The following EYS variants were observed in gnomAD, a reference collection of about 807,000 sequenced individuals.
The protein encoded by EYS is EGF-like photoreceptor maintenance factor, also known as protein eyes shut homolog.
In EYS, 250 loss-of-function variants were observed where a neutral mutation model predicts 282.1. The observed-to-expected ratio is 0.89, with a 90% CI of 0.80 to 0.98. EYS has a LOEUF of 0.98. EYS is among the 50% of genes least tolerant of loss of function. The pLI is 0.00. For synonymous variants in EYS, 1,355 were observed against 1,282.9 expected (o/e 1.06, Z -1.20); for missense variants, 4,016 against 3,709.0 (o/e 1.08, Z -2.15).
chr6:63,876,278 G>C (rs137917686), intron 35 of EYS, among the ~76,000 whole-genome samples: 11 of 152,146 alleles, frequency 7.2e-5, no homozygotes, highest in Non-Finnish European at 1.0e-4. Flanking sequence ...GTAGTTGAGC[G>C]GTTTTGACTG....
intron 2 of EYS, among the ~76,000 whole-genome samples, chr6:65,525,037 G>C (rs1363460479): frequency 6.7e-6 from 1 of 149,586 alleles, no homozygotes; most frequent in Non-Finnish European, 1.5e-5. Flanking sequence ...TGCCACCATG[G>C]CCACTTTTTC....
chr6:64,665,174 TTTATAAAA>T (rs1450850213), intron 22 of EYS, among the ~76,000 whole-genome samples: 1 of 152,212 alleles, frequency 6.6e-6, no homozygotes, highest in African/African-American at 2.4e-5. Context: ...TGTTCTGGCA[TTTATAAAA>T]TACTGCATGT....
At chr6:64,474,327 C>T (rs923735087) in intron 26 of EYS, among the ~76,000 whole-genome samples, 53 of 152,160 alleles carry the variant, frequency 3.5e-4, no homozygotes, top group African/African-American at 1.3e-3. Context: ...TGAAATTACA[C>T]ATATGTGATA....
At chr6:65,504,683 A>T (rs994452837) in intron 2 of EYS, among the ~76,000 whole-genome samples, 6 of 151,536 alleles carry the variant, frequency 4.0e-5, no homozygotes, top group African/African-American at 1.4e-4. Flanking sequence ...GAGTATCGAT[A>T]TGGTAGATTA....
In EYS at chr6:63,762,908, C is replaced by T. The variant is rs1210549978; in HGVS notation, c.7899-275G>A. Among the ~76,000 whole-genome samples, 4 of 152,078 alleles carry T rather than the reference C, an allele frequency of 2.6e-5. No individual in the cohort carries two copies. The East Asian group carries it at 7.7e-4, about 29-fold the overall frequency. On this transcript the variant is annotated intron_variant, in intron 40 of 42. Transcript: ENST00000503581. Reference sequence around the variant, plus strand: ...TCAGACAAAATTGCATTGTAAGTCTCTCTCCCAACTCCCACACCACCACCT... The same window carrying T: ...TCAGACAAAATTGCATTGTAAGTCTTTCTCCCAACTCCCACACCACCACCT...
chr6:64,764,548 C>A (rs1165866794), intron 22 of EYS, among the ~76,000 whole-genome samples: 2 of 152,278 alleles, frequency 1.3e-5, no homozygotes, highest in South Asian at 2.1e-4. Context: ...GGAGGGGCTG[C>A]CATGAATGTC....
intron 26 of EYS, among the ~76,000 whole-genome samples, chr6:64,585,061 C>T (rs562133806): frequency 1.3e-5 from 2 of 152,150 alleles, no homozygotes; most frequent in South Asian, 2.1e-4. Flanking sequence ...AGCAAAGACA[C>T]GGAACCAACC....
intron 33 of EYS, among the ~76,000 whole-genome samples, chr6:64,031,109 T>G (rs1201371465): frequency 6.6e-6 from 1 of 152,196 alleles, no homozygotes; most frequent in Non-Finnish European, 1.5e-5. Flanking sequence ...CCCTTTCTGG[T>G]CTGGCCAAGG....
At chr6:64,691,243 G>C (rs1197064792) in intron 22 of EYS, among the ~76,000 whole-genome samples, 1 of 152,038 alleles carries the variant, frequency 6.6e-6, no homozygotes, top group Non-Finnish European at 1.5e-5. Flanking sequence ...GTCACGAACA[G>C]GGCATGGATG....
At chr6:64,283,272 T>G (rs1345638352) in intron 30 of EYS, among the ~76,000 whole-genome samples, 2 of 152,182 alleles carry the variant, frequency 1.3e-5, no homozygotes, top group East Asian at 3.9e-4. Flanking sequence ...CTAACTAACA[T>G]AGTTAATTAG....
chr6:64,510,019 C>T (rs1409382512), intron 26 of EYS, among the ~76,000 whole-genome samples: 2 of 151,996 alleles, frequency 1.3e-5, no homozygotes, highest in Non-Finnish European at 2.9e-5. Context: ...AATGCATATT[C>T]AAATCTACTC....
intron 28 of EYS, among the ~76,000 whole-genome samples, chr6:64,433,219 C>T (rs1436412007): frequency 6.6e-6 from 1 of 151,944 alleles, no homozygotes; most frequent in African/African-American, 2.4e-5. Flanking sequence ...AAGGCAAGAC[C>T]TTTCTCCTAT....
intron 5 of EYS, among the ~76,000 whole-genome samples, chr6:65,433,299 A>G (rs1257472278): frequency 1.3e-5 from 2 of 152,182 alleles, no homozygotes; most frequent in East Asian, 1.9e-4. Flanking sequence ...TATGACAATC[A>G]CTAGCTCTTC....
intron 42 of EYS, among the ~76,000 whole-genome samples, chr6:63,722,060 T>TA (rs574937118): frequency 5.7e-4 from 87 of 152,274 alleles, no homozygotes; most frequent in African/African-American, 1.9e-3. Flanking sequence ...GGTAGTAAGT[T>TA]AAAGTGAGGT....
intron 33 of EYS, among the ~76,000 whole-genome samples, chr6:64,062,006 A>G (rs1232386428): frequency 6.6e-6 from 1 of 150,886 alleles, no homozygotes; most frequent in African/African-American, 2.4e-5. Context: ...TATTTTTTTT[A>G]TTGTCAAGAA....
chr6:64,735,336 G>C (rs1453974431), intron 22 of EYS, among the ~76,000 whole-genome samples: 1 of 152,096 alleles, frequency 6.6e-6, no homozygotes, highest in Non-Finnish European at 1.5e-5. Flanking sequence ...GCCTGCCTTG[G>C]CCTCCAAGAG....
At chr6:64,974,572 A>G (rs969130760) in intron 14 of EYS, among the ~76,000 whole-genome samples, 2 of 151,816 alleles carry the variant, frequency 1.3e-5, no homozygotes, top group Non-Finnish European at 2.9e-5. Context: ...GTTTTTCTAC[A>G]AATGTCAAAA....
chr6:64,678,165 AT>A (rs1769759418), intron 22 of EYS, among the ~76,000 whole-genome samples: 1 of 151,990 alleles, frequency 6.6e-6, no homozygotes, highest in Non-Finnish European at 1.5e-5. Flanking sequence ...GCTTTTGAGT[AT>A]CAAAAAGAGT....
chr6:63,978,759 C>G (rs932398430), intron 35 of EYS, among the ~76,000 whole-genome samples: 1 of 151,932 alleles, frequency 6.6e-6, no homozygotes, highest in Non-Finnish European at 1.5e-5. Flanking sequence ...TGTAACAGTT[C>G]TTACTATTGC....
Sources: gnomAD v4.1 joint callset for allele counts (sites outside exome capture counted in the v4.1 genomes callset) on GRCh38, gnomAD v4.1.1 for gene constraint, MANE v1.5 for transcripts, NCBI Gene and HGNC (gene_info 2026-07-23, HGNC 2026-07-21) for gene names.